The following VPS45 variants were observed in gnomAD, a reference collection of about 807,000 sequenced individuals.
VPS45 encodes vacuolar protein sorting 45 homolog, also known as vacuolar protein sorting-associated protein 45.
Under a neutral mutation model 75.9 loss-of-function variants are expected in VPS45, and 35 were observed. The observed-to-expected ratio is 0.46, with a 90% CI of 0.35 to 0.61. The LOEUF is 0.61. VPS45 is among the 20% of genes least tolerant of loss of function. The probability of loss-of-function intolerance (pLI) is 0.00; values close to 1 mark genes in which losing one functional copy is unlikely to be tolerated. For missense variants in VPS45, 559 were observed against 685.9 expected (o/e 0.81, Z 2.07); for synonymous variants, 220 against 238.2 (o/e 0.92, Z 0.70).
rs1553798284 is a variant in VPS45, at chr1:150,077,174, C to T, written c.519C>T (p.Pro173=). Residue 173 remains proline (P), a synonymous_variant, in exon 6 of 15, where the codon CCC becomes CCT. Coordinates refer to ENST00000644510, the MANE Select transcript of VPS45 (RefSeq NM_007259.5). ...TALLLSLKKC[P]MIRYQLSSEA... is the part of the protein sequence containing the mutation. ...TCCTTTTATCTCTGAAGAAGTGTCC[C>T]ATGATTCGTTATCAGCTCTCATCAG... is the stretch of plus-strand genomic sequence containing the variant. The T allele has an allele frequency of 2.5e-6, 4 of 1,613,890 alleles. No individual in the cohort carries two copies. The highest frequency in any genetic ancestry group is 3.4e-6 in the Non-Finnish European group (4 of 1,179,980).
intron 13 of VPS45, among the ~76,000 whole-genome samples, chr1:150,104,767 A>C: frequency 6.6e-6 from 1 of 152,114 alleles, no homozygotes; most frequent in East Asian, 1.9e-4. Flanking sequence ...ATTTTTAAAA[A>C]TTTTTTGGCA....
intron 10 of VPS45, among the ~76,000 whole-genome samples, chr1:150,086,627 C>T (rs1226883898): frequency 6.6e-6 from 1 of 151,968 alleles, no homozygotes; most frequent in African/African-American, 2.4e-5. Flanking sequence ...AACATTTAGC[C>T]AGTATTTTAG....
rs1465161974 is a variant in VPS45, at chr1:150,082,010, T to C, written c.936+13T>C. The C allele has an allele frequency of 4.6e-6, 7 of 1,505,464 alleles. No homozygotes were observed. Among genetic ancestry groups the C allele is most frequent in the East Asian group, 2.3e-5 (1 of 44,308 alleles). 93.3% of individuals were successfully genotyped at this position (1,505,464 alleles called of 1,614,324 possible). On this transcript the variant is annotated intron_variant, in intron 9 of 14. Transcript: ENST00000644510. The stretch of plus-strand genomic sequence containing the variant: ...AGCAGACATGAAGGTAAATTGAACA[T>C]GTACATGAATGACAAACATGTGACA...
chr1:150,141,416 G>C (rs1342930278), intron 14 of VPS45, among the ~76,000 whole-genome samples: 1 of 152,122 alleles, frequency 6.6e-6, no homozygotes, highest in African/African-American at 2.4e-5. Context: ...CATAGTTTTT[G>C]TTACAGTATG....
rs1295288928 is a variant in VPS45 at position 150,099,677 on chromosome 1, C to CA, written c.1493+6035dup. ...TAAAACCCTGTCTCTACTAAAAATA[C>CA]AAAAAATGAGCCAGGTGTGGTGTTG... On this transcript the variant is annotated intron_variant, in intron 13 of 14. Coordinates refer to ENST00000644510, the MANE Select transcript of VPS45 (RefSeq NM_007259.5). Among the ~76,000 whole-genome samples, 8 of 151,638 alleles carry CA rather than the reference C, an allele frequency of 5.3e-5. No individual in the cohort carries two copies. In the South Asian group the frequency reaches 1.0e-3, roughly 20 times the overall value.
At chr1:150,068,134 A>G (rs1654829493) in intron 1 of VPS45, 184 bp downstream of exon 1, 2 of 601,526 alleles carry the variant, frequency 3.3e-6, no homozygotes, top group Admixed American at 3.1e-5. Context: ...GGCTCCAGCC[A>G]CTGCCTAGAG....
chr1:150,085,499 A>G (rs1655956922), intron 10 of VPS45, among the ~76,000 whole-genome samples: 1 of 151,990 alleles, frequency 6.6e-6, no homozygotes, highest in Non-Finnish European at 1.5e-5. Context: ...GGGTATTGGG[A>G]TTTTACAGTG....
chr1:150,135,632 A>G (rs12090508), intron 14 of VPS45, among the ~76,000 whole-genome samples: 6,840 of 151,664 alleles, frequency 0.045, 536 homozygotes, highest in African/African-American at 0.15. Flanking sequence ...ACCAATCTGG[A>G]CTACACCCTT....
At chr1:150,075,795 G>T (rs1249511910) in intron 3 of VPS45, among the ~76,000 whole-genome samples, 1 of 152,060 alleles carries the variant, frequency 6.6e-6, no homozygotes, top group Non-Finnish European at 1.5e-5. Flanking sequence ...TATCGCCCAG[G>T]CTGGAGTGCA....
chr1:150,119,311 A>G (rs1658106628), intron 14 of VPS45, among the ~76,000 whole-genome samples: 1 of 152,184 alleles, frequency 6.6e-6, no homozygotes, highest in Non-Finnish European at 1.5e-5. Flanking sequence ...ACCTGGATAT[A>G]GTAGGGCTGC....
At chr1:150,067,993 A>C in intron 1 of VPS45, 43 bp downstream of exon 1, 1 of 1,559,846 alleles carries the variant, frequency 6.4e-7, no homozygotes, top group Non-Finnish European at 8.8e-7. Context: ...AACCCTCTCA[A>C]CCTTACAATT....
chr1:150,142,333 CA>C (rs770170547), intron 14 of VPS45, among the ~76,000 whole-genome samples: 1 of 151,000 alleles, frequency 6.6e-6, no homozygotes, highest in African/African-American at 2.4e-5. Context: ...TGTTATTGTT[CA>C]AAAAAAAATC....
chr1:150,084,619 G>A (rs12089862), intron 10 of VPS45, among the ~76,000 whole-genome samples: 12 of 152,030 alleles, frequency 7.9e-5, no homozygotes, highest in African/African-American at 2.4e-4. Flanking sequence ...CCTGTTAATA[G>A]GGCCCTATAT....
intron 14 of VPS45, among the ~76,000 whole-genome samples, chr1:150,117,545 A>G (rs1437461731): frequency 6.7e-6 from 1 of 149,450 alleles, no homozygotes; most frequent in Non-Finnish European, 1.5e-5. Flanking sequence ...ATAAATAAAT[A>G]AGTAAAAATA....
chr1:150,123,850 A>G lies in VPS45; in HGVS notation c.1625+13223A>G, dbSNP rs1424532708. 2.6e-5 allele frequency among the ~76,000 whole-genome samples: 4 copies of G among 152,322 alleles called. No individual in the cohort carries two copies. The South Asian group carries it at 6.2e-4, about 24-fold the overall frequency. ...ATAGCGCTGCCATTGCTTGAACACTATGTGAACTTTATTTAGTCTCCAGTT... is the reference window on the plus strand; with the variant it reads ...ATAGCGCTGCCATTGCTTGAACACTGTGTGAACTTTATTTAGTCTCCAGTT... On this transcript the variant is annotated intron_variant, in intron 14 of 14. Coordinates refer to ENST00000644510, the MANE Select transcript of VPS45 (RefSeq NM_007259.5).
intron 14 of VPS45, among the ~76,000 whole-genome samples, chr1:150,131,178 C>T (rs909667565): frequency 6.6e-6 from 1 of 152,020 alleles, no homozygotes; most frequent in African/African-American, 2.4e-5. Context: ...ACATCATGCC[C>T]GTGCCAACCC....
At chr1:150,106,502 A>G (rs587738279) in intron 13 of VPS45, among the ~76,000 whole-genome samples, 1 of 152,300 alleles carries the variant, frequency 6.6e-6, no homozygotes, top group African/African-American at 2.4e-5. Context: ...GAGAAATGCA[A>G]ATGAAAACCA....
Position 150,082,823 on chromosome 1 carries a change from G to A in VPS45, c.1044G>A (p.Leu348=). 1 of 1,614,134 alleles carries A rather than the reference G, an allele frequency of 6.2e-7. No homozygotes were observed. The highest frequency in any genetic ancestry group is 1.1e-5 in the South Asian group (1 of 91,078). Residue 348 remains leucine (L), a synonymous_variant, in exon 10 of 15, where the codon CTG becomes CTA. Coordinates refer to ENST00000644510, the MANE Select transcript of VPS45 (RefSeq NM_007259.5). ...LSRLVSERNL[L]EVSEVEQELA... ...GATTGGTCAGTGAACGGAATCTGCTGGAGGTTTCAGAGGTTGAGCAAGAAC... is the reference window on the plus strand; with the variant it reads ...GATTGGTCAGTGAACGGAATCTGCTAGAGGTTTCAGAGGTTGAGCAAGAAC...
chr1:150,097,448 A>G (rs1288389597), intron 13 of VPS45, among the ~76,000 whole-genome samples: 2 of 150,208 alleles, frequency 1.3e-5, no homozygotes, highest in East Asian at 4.1e-4. Context: ...TCCTGGGTGC[A>G]GTGGTTTATG....
Sources: allele counts gnomAD v4.1 joint callset (sites outside exome capture counted in the v4.1 genomes callset), GRCh38; gene constraint gnomAD v4.1.1; transcripts MANE v1.5; gene names NCBI Gene and HGNC (gene_info 2026-07-23, HGNC 2026-07-21).